The following SETD3 variants were observed in gnomAD, a reference collection of about 807,000 sequenced individuals.
SETD3 encodes actin-histidine N-methyltransferase.
Under a neutral mutation model 63.0 loss-of-function variants are expected in SETD3, and 19 were observed. That is an observed-to-expected ratio of 0.30 (90% confidence interval 0.21 to 0.44). The LOEUF is 0.44. SETD3 is among the 20% of genes least tolerant of loss of function. SETD3 has a pLI of 1.00. For missense variants in SETD3, 587 were observed against 728.5 expected, an observed-to-expected ratio of 0.81 and a Z score of 2.24; for synonymous variants, 286 against 264.1, an observed-to-expected ratio of 1.08 and a Z score of -0.80.
intron 6 of SETD3, among the ~76,000 whole-genome samples, chr14:99,444,968 G>A (rs971195388): frequency 1.3e-5 from 2 of 152,080 alleles, no homozygotes; most frequent in Non-Finnish European, 2.9e-5. Flanking sequence ...AGGCCATGAT[G>A]GTAAAAGATA....
At position 99,467,290 on chromosome 14, in the gene SETD3, AT is replaced by A. The variant is rs529310255; in HGVS notation, c.-8-1478del. On this transcript the variant is annotated intron_variant, in intron 1 of 12. Coordinates refer to ENST00000331768, the MANE Select transcript of SETD3 (RefSeq NM_032233.3). ...TAAAACTTTTGCAGCAATACAAGGA[AT>A]TTTTTTTCTGTGATCAAAAGCAGAA... Among the ~76,000 whole-genome samples, 469 of 152,260 alleles carry A rather than the reference AT, an allele frequency of 3.1e-3. 3 individuals are homozygous for A. The highest frequency in any genetic ancestry group is 0.011 in the African/African-American group (450 of 41,548).
At chr14:99,409,604 A>T (rs995536545) in intron 8 of SETD3, among the ~76,000 whole-genome samples, 1 of 152,134 alleles carries the variant, frequency 6.6e-6, no homozygotes. Context: ...TAGGAGGAAG[A>T]GCACGATATA....
At chr14:99,415,006 A>T (rs191711172) in intron 6 of SETD3, among the ~76,000 whole-genome samples, 5 of 152,330 alleles carry the variant, frequency 3.3e-5, no homozygotes, top group Admixed American at 2.6e-4. Context: ...GATGAGGTAA[A>T]AGTAGCTAAA....
chr14:99,426,527 G>A lies in SETD3; in HGVS notation c.676-12593C>T, dbSNP rs111467412. Among the ~76,000 whole-genome samples, 12 of 152,298 alleles carry A rather than the reference G, an allele frequency of 7.9e-5. 1 individual carries two copies. The highest frequency in any genetic ancestry group is 2.1e-4 in the South Asian group (1 of 4,822). On this transcript the variant is annotated intron_variant, in intron 6 of 12. Transcript: ENST00000331768. The stretch of plus-strand genomic sequence containing the variant: ...TGAGGCCTGAATGTGGGGAGAGGGC[G>A]GAAGGGGACCCAGCAGAGAGAGTCC...
chr14:99,412,851 C>T (rs769767226), intron 8 of SETD3, 100 bp downstream of exon 8: 42 of 815,584 alleles, frequency 5.1e-5, no homozygotes, highest in African/African-American at 3.1e-4. Context: ...AGGGAGGCAA[C>T]GGGGGGAGTA....
At chr14:99,458,183 T>A in intron 6 of SETD3, 96 bp downstream of exon 6, 1 of 1,341,402 alleles carries the variant, frequency 7.5e-7, no homozygotes, top group Non-Finnish European at 1.0e-6. Context: ...TGTTTAAGTA[T>A]CCTTAATAAG....
chr14:99,412,399 C>T, intron 8 of SETD3: 1 of 153,212 alleles, frequency 6.5e-6, no homozygotes, highest in Non-Finnish European at 1.5e-5. Context: ...CCCCCTCCTC[C>T]CGCCCCACAG....
In SETD3 at chr14:99,409,123, A is replaced by ACCT. The variant is rs565045193; in HGVS notation, c.850-2536_850-2534dup. Among the ~76,000 whole-genome samples the ACCT allele has an allele frequency of 4.4e-3, 671 of 152,070 alleles. 5 individuals carry two copies. The highest frequency in any genetic ancestry group is 0.015 in the African/African-American group (636 of 41,478). ...TGTCAAGCAAGGACAGGGTCCTTCC[A>ACCT]CCTCCTCCTCGCCCAGCTCCACGTG... is the stretch of plus-strand genomic sequence containing the variant. On this transcript the variant is annotated intron_variant, in intron 8 of 12. Coordinates refer to ENST00000331768, the MANE Select transcript of SETD3 (RefSeq NM_032233.3).
chr14:99,474,875 AT>A lies in SETD3; in HGVS notation c.-9+5852del, dbSNP rs11419445. Among the ~76,000 whole-genome samples, 174 of 149,674 alleles carry A rather than the reference AT, an allele frequency of 1.2e-3. 2 individuals are homozygous for A. The highest frequency in any genetic ancestry group is 4.7e-3 in the East Asian group (24 of 5,136). On this transcript the variant is annotated intron_variant, in intron 1 of 12. Transcript: ENST00000331768. The stretch of plus-strand genomic sequence containing the variant: ...ATAAGCACAGTTGTTGCTTTTCGCA[AT>A]TTTTTTTTTTTGCTATTTTTCCACT...
chr14:99,403,033 C>T (rs1891467683), intron 11 of SETD3, among the ~76,000 whole-genome samples: 1 of 152,164 alleles, frequency 6.6e-6, no homozygotes, highest in African/African-American at 2.4e-5. Flanking sequence ...TACCCAAGTA[C>T]AAAAAGCACC....
chr14:99,405,388 A>G lies in SETD3; in HGVS notation c.925-17T>C, dbSNP rs1486710862. On this transcript the variant is annotated splice_polypyrimidine_tract_variant and intron_variant, in intron 9 of 12. Transcript: ENST00000331768. ...AATGTAAATCTGAGATGCAGTAAAG[A>G]AAAAAGAAAAGGGCATTAGACAAAC... 1.2e-6 allele frequency: 2 copies of G among 1,608,120 alleles called. No individual in the cohort carries two copies. The highest frequency in any genetic ancestry group is 2.2e-5 in the East Asian group (1 of 44,840).
chr14:99,447,251 G>C (rs1383037404), intron 6 of SETD3, among the ~76,000 whole-genome samples: 1 of 152,192 alleles, frequency 6.6e-6, no homozygotes, highest in Non-Finnish European at 1.5e-5. Flanking sequence ...GGGATTAAAG[G>C]CGTGAGCCAC....
chr14:99,399,260 AGG>A, intron 12 of SETD3, 135 bp from the exon 13 acceptor site: 1 of 651,320 alleles, frequency 1.5e-6, no homozygotes, highest in Non-Finnish European at 2.7e-6. Context: ...TTGACTGGGC[AGG>A]TGGTCGCATG....
intron 6 of SETD3, among the ~76,000 whole-genome samples, chr14:99,420,592 T>C (rs970238665): frequency 3.9e-5 from 6 of 152,150 alleles, no homozygotes; most frequent in African/African-American, 9.7e-5. Context: ...GCAGTGACCA[T>C]AGGCTTCAAA....
intron 3 of SETD3, among the ~76,000 whole-genome samples, chr14:99,462,502 T>C (rs900851803): frequency 3.3e-5 from 5 of 152,208 alleles, no homozygotes; most frequent in Admixed American, 2.0e-4. Context: ...GAATGAGGAA[T>C]ATTCAAAGAC....
Position 99,398,769 on chromosome 14 carries a change from G to C in SETD3, c.1695C>G (p.Ser565=), listed in dbSNP as rs866522970. ...GENSIPNGTR[S]ENESLNQESK... is the part of the protein sequence containing the mutation. Reference sequence around the variant, plus strand: ...TTTCTTGATTGAGACTTTCATTTTCGGACCTGGTCCCATTAGGGATAGAGT... The same window carrying C: ...TTTCTTGATTGAGACTTTCATTTTCCGACCTGGTCCCATTAGGGATAGAGT... Residue 565 remains serine, a synonymous_variant, in exon 13 of 13, where the codon TCC becomes TCG. Transcript: ENST00000331768. The C allele has an allele frequency of 6.2e-7, 1 of 1,613,964 alleles. No homozygotes were observed. The highest frequency in any genetic ancestry group is 8.5e-7 in the Non-Finnish European group (1 of 1,180,038).
At chr14:99,419,099 T>C (rs796799911) in intron 6 of SETD3, among the ~76,000 whole-genome samples, 1 of 152,308 alleles carries the variant, frequency 6.6e-6, no homozygotes, top group South Asian at 2.1e-4. Flanking sequence ...TGTTCAGCTC[T>C]TGAGGGAAAA....
intron 6 of SETD3, among the ~76,000 whole-genome samples, chr14:99,427,396 T>C (rs1429872290): frequency 1.3e-5 from 2 of 152,172 alleles, no homozygotes; most frequent in East Asian, 1.9e-4. Flanking sequence ...ATAAATGTAA[T>C]ATTTACTGTG....
chr14:99,441,663 GAA>G (rs1229512042), intron 6 of SETD3, among the ~76,000 whole-genome samples: 1 of 152,210 alleles, frequency 6.6e-6, no homozygotes, highest in African/African-American at 2.4e-5. Context: ...GTCCTGAGGA[GAA>G]GAGGCTGGCA....
Sources: gnomAD v4.1 joint callset for allele counts (sites outside exome capture counted in the v4.1 genomes callset) on GRCh38, gnomAD v4.1.1 for gene constraint, MANE v1.5 for transcripts, NCBI Gene and HGNC (gene_info 2026-07-23, HGNC 2026-07-21) for gene names.